Variants in KLF17 observed in about 807,000 individuals in gnomAD.
KLF17 encodes the protein KLF transcription factor 17.
In KLF17, 31 loss-of-function variants were observed where a neutral mutation model predicts 34.2. The observed-to-expected ratio is 0.91, with a 90% CI of 0.68 to 1.22. KLF17 has a LOEUF of 1.22. Ranked by LOEUF, KLF17 falls within the 50% of genes most tolerant of loss-of-function variation. The pLI, the probability that KLF17 is intolerant of heterozygous loss-of-function variation, is 0.00. For missense variants in KLF17, 478 were observed against 505.2 expected (o/e 0.95, Z 0.52); for synonymous variants, 179 against 186.7 (o/e 0.96, Z 0.34).
At chr1:44,100,407 T>G in the KLF17 span, among the ~76,000 whole-genome samples, 8 of 151,996 alleles carry the variant, frequency 5.3e-5, no homozygotes, top group Non-Finnish European at 1.0e-4. Context: ...TTTTGTACAG[T>G]TGAGTTTTAG....
At chr1:44,120,709 T>G (rs2087935915) in intron 1 of KLF17, among the ~76,000 whole-genome samples, 1 of 152,198 alleles carries the variant, frequency 6.6e-6, no homozygotes, top group South Asian at 2.1e-4. Flanking sequence ...AAGAGGGCCA[T>G]TGCTGAGAGT....
chr1:44,065,338 T>C, the KLF17 span, among the ~76,000 whole-genome samples: 1 of 150,044 alleles, frequency 6.7e-6, no homozygotes, highest in Non-Finnish European at 1.5e-5. Context: ...CAAGCCAGAA[T>C]ACTAGTGATT....
At chr1:44,076,897 T>C in the KLF17 span, 3 of 144,056 alleles carry the variant, frequency 2.1e-5, no homozygotes, top group African/African-American at 7.6e-5. Context: ...TGCCTGGCCT[T>C]TTTTTTTTTT....
At chr1:44,087,763 TATATATACACACACACACAC>T in the KLF17 span, among the ~76,000 whole-genome samples, 1 of 56,122 alleles carries the variant, frequency 1.8e-5, no homozygotes, top group African/African-American at 6.7e-5. Context: ...TATATATATA[TATATATACACACACACACAC>T]ACACACACAC....
At chr1:44,127,610 CTTTCTTTTCT>C (rs768363404) in intron 1 of KLF17, among the ~76,000 whole-genome samples, 50 of 89,452 alleles carry the variant, frequency 5.6e-4, no homozygotes, top group Non-Finnish European at 9.2e-4. Context: ...CCCTTTCTTT[CTTTCTTTTCT>C]TTTCTTTTCT....
the KLF17 span, among the ~76,000 whole-genome samples, chr1:44,099,849 G>GAAAGAAAA: frequency 2.9e-5 from 1 of 34,780 alleles, no homozygotes; most frequent in African/African-American, 1.3e-4. Context: ...AAGAAAGAAA[G>GAAAGAAAA]AAAGAAAGAA....
chr1:44,101,622 A>G, the KLF17 span: 1 of 152,204 alleles, frequency 6.6e-6, no homozygotes, highest in Admixed American at 6.6e-5. Flanking sequence ...CATGGTATCT[A>G]TTTGTCTTTT....
the KLF17 span, chr1:44,044,709 C>T: frequency 6.6e-6 from 1 of 152,442 alleles, no homozygotes; most frequent in East Asian, 1.9e-4. Flanking sequence ...TCAGCTCTTG[C>T]ACTCTGCAGC....
the KLF17 span, among the ~76,000 whole-genome samples, chr1:44,098,572 A>G: frequency 9.1e-6 from 1 of 110,422 alleles, no homozygotes; most frequent in African/African-American, 3.4e-5. Flanking sequence ...TTTTTCTGAG[A>G]CTGAGTCTCG....
At chr1:44,081,222 T>TAA in the KLF17 span, among the ~76,000 whole-genome samples, 49 of 107,842 alleles carry the variant, frequency 4.5e-4, no homozygotes, top group Admixed American at 1.9e-3. Context: ...CAAGATCCTG[T>TAA]AAAAAAAAAA....
the KLF17 span, among the ~76,000 whole-genome samples, chr1:44,101,968 C>T: frequency 6.6e-6 from 1 of 152,148 alleles, no homozygotes; most frequent in Non-Finnish European, 1.5e-5. Flanking sequence ...GTGGGAGGAT[C>T]ACCTGGACCC....
chr1:44,115,588 A>T (rs2087873080), upstream of KLF17: 1 of 152,164 alleles, frequency 6.6e-6, no homozygotes, highest in African/African-American at 2.4e-5. Flanking sequence ...ACTGAATTTG[A>T]ATAAAAATTT....
rs1557731930 is a variant in KLF17 at position 44,127,674 on chromosome 1, C to CTTTCTTTCTTTCT, written c.82-1676_82-1664dup. Among the ~76,000 whole-genome samples the CTTTCTTTCTTTCT allele has an allele frequency of 3.0e-4, 13 of 42,630 alleles. 1 individual carries two copies. Among genetic ancestry groups the CTTTCTTTCTTTCT allele is most frequent in the African/African-American group, 8.8e-4 (12 of 13,696 alleles). The allele number at this position is 42,630 out of a possible 152,430, so 28.0% of individuals were successfully genotyped here. A position where few individuals can be genotyped will look rare whatever the true frequency, so the allele number is the denominator to read the frequency against. On this transcript the variant is annotated intron_variant, in intron 1 of 3. Transcript: ENST00000372299. ...TCTTTCTTTCTTTCTTTCTTTCTTT[C>CTTTCTTTCTTTCT]TTTCTTTCTTTCTTTCTTTTTCTTT...
chr1:44,071,259 G>A, the KLF17 span, among the ~76,000 whole-genome samples: 2,275 of 152,248 alleles, frequency 0.015, 24 homozygotes, highest in Non-Finnish European at 0.023. Flanking sequence ...TCCTGGAAAT[G>A]TTTGTGTTGT....
chr1:44,126,260 T>C lies in KLF17; in HGVS notation c.82-3093T>C, dbSNP rs569755754. On this transcript the variant is annotated intron_variant, in intron 1 of 3. Transcript: ENST00000372299. Reference sequence around the variant, plus strand: ...TGGGATGGTCTCGATCTTCTGACCTTGCGATCCACCCGCCTCGGCCTCCCA... The same window carrying C: ...TGGGATGGTCTCGATCTTCTGACCTCGCGATCCACCCGCCTCGGCCTCCCA... 6.6e-5 allele frequency among the ~76,000 whole-genome samples: 10 copies of C among 151,772 alleles called. No homozygotes were observed. In the South Asian group the frequency reaches 1.7e-3, roughly 25 times the overall value.
the KLF17 span, among the ~76,000 whole-genome samples, chr1:44,088,794 A>G: frequency 1.3e-5 from 2 of 152,274 alleles, no homozygotes; most frequent in Admixed American, 1.3e-4. Flanking sequence ...ACTGTAGGTA[A>G]TGATCACTGG....
chr1:44,081,277 A>T, the KLF17 span, among the ~76,000 whole-genome samples: 2 of 151,798 alleles, frequency 1.3e-5, no homozygotes, highest in Non-Finnish European at 2.9e-5. Flanking sequence ...AGATTTAGTT[A>T]ATCTGTTTTG....
At chr1:44,102,904 G>A in the KLF17 span, among the ~76,000 whole-genome samples, 18 of 151,998 alleles carry the variant, frequency 1.2e-4, 2 homozygotes, top group African/African-American at 4.3e-4. Context: ...AATATAATAA[G>A]CTTATTTATT....
chr1:44,069,493 AGAGAGAGAGAGAGAGAGAG>A, the KLF17 span, among the ~76,000 whole-genome samples: 5 of 145,346 alleles, frequency 3.4e-5, no homozygotes, highest in African/African-American at 1.3e-4. This position sits in a 1 kb window ranked among gnomAD's most constrained non-coding sequence, Gnocchi z 4.7. Flanking sequence ...AGAGAGAGAG[AGAGAGAGAGAGAGAGAGAG>A]AAGACAGGAG....
Sources: gnomAD v4.1 joint callset for allele counts (sites outside exome capture counted in the v4.1 genomes callset) on GRCh38, gnomAD v4.1.1 for gene constraint, Gnocchi (gnomAD v3.1) non-coding constraint, MANE v1.5 for transcripts, NCBI Gene and HGNC (gene_info 2026-07-23, HGNC 2026-07-21) for gene names.